MYL5: variants seen among roughly 807,000 people sequenced by gnomAD.
MYL5 encodes the protein myosin regulatory light chain 5.
In MYL5, 28 loss-of-function variants were observed where a neutral mutation model predicts 20.8. That is an observed-to-expected ratio of 1.35 (90% CI 1.00 to 1.84). The LOEUF (loss-of-function observed/expected upper bound fraction) is 1.84. Among genes scored for constraint, MYL5 ranks in the 40% most tolerant of loss-of-function variants. The probability of loss-of-function intolerance (pLI) is 0.00; values close to 1 mark genes in which losing one functional copy is unlikely to be tolerated. For synonymous variants in MYL5, 118 were observed against 87.4 expected (o/e 1.35, Z -1.95); for missense variants, 274 against 227.3 (o/e 1.21, Z -1.32).
chr4:679,890 GT>G (rs757003306), intron 3 of MYL5, 23 bp from the exon 6 acceptor site: 39 of 1,609,972 alleles, frequency 2.4e-5, no homozygotes, highest in Non-Finnish European at 3.2e-5. Context: ...GCCCTGCCCT[GT>G]GATGCCCCCA....
chr4:681,702 C>T (rs1166477405), intron 6 of MYL5, 191 bp from the exon 9 acceptor site: 1 of 75,024 alleles, frequency 1.3e-5, no homozygotes, highest in African/African-American at 6.1e-5. Context: ...CCAGCGCCGC[C>T]CCGCCCCCTC....
chr4:674,569 GT>G, upstream of MYL5: 1 of 436,046 alleles, frequency 2.3e-6, no homozygotes, highest in Non-Finnish European at 4.1e-6. Flanking sequence ...GGGGTCCGCT[GT>G]TTCCCCGCGC....
chr4:678,566 C>T (rs1286562495), intron 1 of MYL5, 92 bp from the exon 4 acceptor site: 3 of 1,514,726 alleles, frequency 2.0e-6, no homozygotes, highest in Admixed American at 4.4e-5. Flanking sequence ...GAGGTCCACC[C>T]TTCATCTGAG....
At chr4:680,082 T>A in intron 4 of MYL5, 64 bp downstream of exon 6, 1 of 1,373,772 alleles carries the variant, frequency 7.3e-7, no homozygotes, top group Non-Finnish European at 1.0e-6. Flanking sequence ...GATCCGGACA[T>A]TTCACGTAAA....
upstream of MYL5, chr4:676,031 G>A (rs536114633): frequency 1.3e-5 from 2 of 152,400 alleles, no homozygotes; most frequent in African/African-American, 2.4e-5. Context: ...GGCAGTCCCT[G>A]AAGACTCCTG....
chr4:678,805 G>T (rs1739124563), intron 2 of MYL5, 40 bp downstream of exon 4: 1 of 1,608,690 alleles, frequency 6.2e-7, no homozygotes, highest in Non-Finnish European at 8.5e-7. Context: ...CCACCCCCAG[G>T]AGCCTGTGCT....
At chr4:680,780 C>G in intron 5 of MYL5, 193 bp downstream of exon 7, 1 of 664,556 alleles carries the variant, frequency 1.5e-6, no homozygotes, top group Non-Finnish European at 2.5e-6. Context: ...GGACCAGCGC[C>G]TGTGCCCGGT....
At chr4:680,691 C>G (rs1485979445) in intron 5 of MYL5, 104 bp downstream of exon 7, 31 of 1,159,620 alleles carry the variant, frequency 2.7e-5, no homozygotes, top group South Asian at 4.0e-5. Flanking sequence ...GCCCACCTCC[C>G]CACCTCTGAC....
chr4:680,684 C>A, intron 5 of MYL5, 97 bp downstream of exon 7: 1 of 1,225,678 alleles, frequency 8.2e-7, no homozygotes, highest in Non-Finnish European at 1.2e-6. Flanking sequence ...ATGCCACGCC[C>A]ACCTCCCCAC....
chr4:679,801 C>A (rs1279604197), intron 3 of MYL5, 113 bp from the exon 6 acceptor site: 2 of 866,598 alleles, frequency 2.3e-6, no homozygotes, highest in Admixed American at 4.8e-5. Flanking sequence ...GTCTCCTTCC[C>A]GCTCCCTCCC....
chr4:674,743 G>A, upstream of MYL5: 1 of 178,384 alleles, frequency 5.6e-6, no homozygotes, highest in Non-Finnish European at 1.2e-5. Flanking sequence ...GGTGGCCTGG[G>A]CAGGGACCTG....
At chr4:681,620 GCCC>G (rs1331807316) in intron 6 of MYL5, among the ~76,000 whole-genome samples, 1 of 29,118 alleles carries the variant, frequency 3.4e-5, no homozygotes, top group Non-Finnish European at 6.8e-5. Context: ...CTCCAGCGCC[GCCC>G]CGCCCCCTCC....
intron 1 of MYL5, chr4:678,248 C>T (rs927756668): frequency 6.8e-7 from 1 of 1,475,006 alleles, no homozygotes; most frequent in Non-Finnish European, 9.0e-7. Context: ...AAGTACGTGC[C>T]TCACGTTGCT....
chr4:678,370 A>C (rs1010829783), intron 1 of MYL5: 16 of 1,412,494 alleles, frequency 1.1e-5, no homozygotes, highest in East Asian at 2.6e-5. Flanking sequence ...TCAGAGGCCA[A>C]GCTGGCTCCT....
chr4:680,819 C>A lies in MYL5; in HGVS notation c.371+232C>A, dbSNP rs561375949. The A allele has an allele frequency of 8.9e-5, 56 of 631,240 alleles. No individual in the cohort carries two copies. The African/African-American group carries it at 1.0e-3, about 11-fold the overall frequency. 39.1% of individuals were successfully genotyped at this position (631,240 alleles called of 1,614,324 possible). A position where few individuals can be genotyped will look rare whatever the true frequency, so the allele number is the denominator to read the frequency against. On this transcript the variant is annotated intron_variant, in intron 5 of 6. Coordinates refer to ENST00000400159, the Ensembl canonical transcript of MYL5. Reference sequence around the variant, plus strand: ...GGTGGGGCGGCTTCCCCTCAGCCCACTCCTCCATCTTCAGCTCCTGCTAGG... The same window carrying A: ...GGTGGGGCGGCTTCCCCTCAGCCCAATCCTCCATCTTCAGCTCCTGCTAGG...
Position 677,957 on chromosome 4 carries a change from C to T in MYL5, c.-70C>T, listed in dbSNP as rs973666627. ...CCGGAGTCTGAACTGTCCTGGGGGA[C>T]CAAGCAGGAGCTTAAGATGGGCAAG... is the stretch of plus-strand genomic sequence containing the variant. On this transcript the variant is annotated 5_prime_UTR_variant, in exon 1 of 7. Transcript: ENST00000400159. The T allele has an allele frequency of 3.1e-6, 5 of 1,612,540 alleles. No homozygotes were observed. In the African/African-American group the frequency reaches 6.7e-5, roughly 22 times the overall value.
At chr4:678,013 A>T (rs1288410833) in exon 1 of MYL5, 11 of 1,612,492 alleles carry the variant, frequency 6.8e-6, no homozygotes, top group Non-Finnish European at 9.3e-6. Context: ...GCATCAAAGC[A>T]GGCAGAAGCA....
chr4:679,786 C>G lies in MYL5; in HGVS notation c.188-128C>G, dbSNP rs371985639. ...CACCCACTGCCCCACGTGCCTGGGC[C>G]AAGCGTCTCCTTCCCGCTCCCTCCC... On this transcript the variant is annotated intron_variant, in intron 3 of 6. Coordinates refer to ENST00000400159, the Ensembl canonical transcript of MYL5. 180 of 723,046 alleles carry G rather than the reference C, an allele frequency of 2.5e-4. 2 individuals are homozygous for G. The South Asian group carries it at 2.9e-3, about 12-fold the overall frequency. The allele number at this position is 723,046 out of a possible 1,614,324, so 44.8% of individuals were successfully genotyped here. A position where few individuals can be genotyped will look rare whatever the true frequency, so the allele number is the denominator to read the frequency against.
chr4:680,474 C>G (rs781265662), intron 4 of MYL5, 35 bp from the exon 7 acceptor site: 2 of 1,610,326 alleles, frequency 1.2e-6, no homozygotes, highest in South Asian at 1.1e-5. Flanking sequence ...GACTGCCACC[C>G]TGACGGCCCT....
Sources: allele counts gnomAD v4.1 joint callset (sites outside exome capture counted in the v4.1 genomes callset), GRCh38; gene constraint gnomAD v4.1.1; transcripts MANE v1.5; gene names NCBI Gene and HGNC (gene_info 2026-07-23, HGNC 2026-07-21).